Variants in TRPM3 observed in about 807,000 individuals in gnomAD.
TRPM3 encodes the protein long transient receptor potential channel 3.
Under a neutral mutation model 181.2 loss-of-function variants are expected in TRPM3, and 77 were observed. The ratio of observed to expected loss-of-function variants is 0.42; its 90% confidence interval spans 0.35 to 0.51. TRPM3 has a LOEUF of 0.51. Among genes scored for constraint, TRPM3 ranks in the 20% least tolerant of loss-of-function variants. The pLI, the probability that TRPM3 is intolerant of heterozygous loss-of-function variation, is 0.01. For missense variants in TRPM3, 1,759 were observed against 2,196.7 expected, an observed-to-expected ratio of 0.80 and a Z score of 3.98; for synonymous variants, 745 against 796.4, an observed-to-expected ratio of 0.94 and a Z score of 1.09.
At chr9:70,983,052 C>T (rs186128547) in intron 1 of TRPM3, among the ~76,000 whole-genome samples, 297 of 152,226 alleles carry the variant, frequency 2.0e-3, no homozygotes, top group African/African-American at 6.4e-3. Flanking sequence ...TACTCAACCC[C>T]GTGAGTCTGT....
intron 9 of TRPM3, among the ~76,000 whole-genome samples, chr9:70,680,373 A>G (rs1228422691): frequency 1.3e-5 from 2 of 152,222 alleles, no homozygotes; most frequent in African/African-American, 2.4e-5. Context: ...AGAGAATATT[A>G]ATAGTAGAAG....
At chr9:70,950,999 A>G (rs2096992181) in intron 1 of TRPM3, among the ~76,000 whole-genome samples, 2 of 152,226 alleles carry the variant, frequency 1.3e-5, no homozygotes, top group Non-Finnish European at 2.9e-5. Flanking sequence ...TAATAAAGAT[A>G]AACATTTTGA....
chr9:71,034,866 T>C (rs943025478), intron 1 of TRPM3, among the ~76,000 whole-genome samples: 1 of 152,110 alleles, frequency 6.6e-6, no homozygotes, highest in Non-Finnish European at 1.5e-5. Context: ...TATATGTATA[T>C]ATGTATACAT....
At chr9:71,274,771 G>A (rs1445835465) in intron 1 of TRPM3, among the ~76,000 whole-genome samples, 1 of 152,084 alleles carries the variant, frequency 6.6e-6, no homozygotes, top group Non-Finnish European at 1.5e-5. Context: ...TCTCCATAAA[G>A]GAAATTAATT....
chr9:71,002,615 C>G (rs2097620055), intron 1 of TRPM3, among the ~76,000 whole-genome samples: 1 of 152,118 alleles, frequency 6.6e-6, no homozygotes, highest in South Asian at 2.1e-4. Context: ...CCCTATCATA[C>G]CTATAGTATC....
chr9:71,019,223 C>A (rs370568964), intron 1 of TRPM3, among the ~76,000 whole-genome samples: 126 of 151,920 alleles, frequency 8.3e-4, no homozygotes, highest in African/African-American at 2.8e-3. Context: ...TGCTTGTTAT[C>A]ACCACTTTTG....
At position 71,121,457 on chromosome 9, in the gene TRPM3, A is replaced by G. The variant is rs979647212; in HGVS notation, c.-103T>C. On this transcript the variant is annotated 5_prime_UTR_variant, in exon 1 of 26. Transcript: ENST00000677713. ...TGCCTGAGCCCCTGAACCTTCTTAA[A>G]ACAGCCACCTCCCCTCTCTCTGCAG... 1.4e-5 allele frequency: 21 copies of G among 1,466,586 alleles called. No individual in the cohort carries two copies. The highest frequency in any genetic ancestry group is 1.9e-5 in the Non-Finnish European group (21 of 1,113,234). The allele number at this position is 1,466,586 out of a possible 1,614,324, so 90.8% of individuals were successfully genotyped here.
chr9:71,371,041 A>C (rs2132798344), intron 1 of TRPM3, among the ~76,000 whole-genome samples: 1 of 150,686 alleles, frequency 6.6e-6, no homozygotes, highest in East Asian at 2.0e-4. Context: ...AATATTTTAA[A>C]CCCACTGAGA....
In TRPM3 at chr9:70,784,134, G is replaced by A; in HGVS notation, c.1119C>T (p.Ala373=). The change falls in exon 7 of 26, where the codon GCC becomes GCT. Residue 373 remains alanine (A), a synonymous_variant. Coordinates refer to ENST00000677713, the MANE Select transcript of TRPM3 (RefSeq NM_001366145.2). Reference sequence around the variant, plus strand: ...CTTCTTCTGAGTATTTATGCCCAAAGGCCAGGATGTCCGATGCCCGTCCAC... The same window carrying A: ...CTTCTTCTGAGTATTTATGCCCAAAAGCCAGGATGTCCGATGCCCGTCCAC... ...DGSGRASDIL[A]FGHKYSEEGG... 1 of 1,613,604 alleles carries A rather than the reference G, an allele frequency of 6.2e-7. No individual in the cohort carries two copies.
At chr9:70,855,917 A>G (rs1391743525) in intron 3 of TRPM3, among the ~76,000 whole-genome samples, 1 of 152,208 alleles carries the variant, frequency 6.6e-6, no homozygotes, top group Non-Finnish European at 1.5e-5. Flanking sequence ...ATTAACTGTC[A>G]TCAAATCCCT....
At position 70,625,623 on chromosome 9, in the gene TRPM3, G is replaced by T; in HGVS notation, c.1633-106C>A. 4 of 1,158,462 alleles carry T rather than the reference G, an allele frequency of 3.5e-6. No homozygotes were observed. The highest frequency in any genetic ancestry group is 5.0e-6 in the Non-Finnish European group (4 of 797,694). 71.8% of individuals were successfully genotyped at this position (1,158,462 alleles called of 1,614,324 possible). Reference sequence around the variant, plus strand: ...TTCAGCTGGGGAGAAAAAAACACCAGTGTAGAAGAAAGAAACACAAGGCTA... The same window carrying T: ...TTCAGCTGGGGAGAAAAAAACACCATTGTAGAAGAAAGAAACACAAGGCTA... On this transcript the variant is annotated intron_variant, in intron 12 of 25. Coordinates refer to ENST00000677713, the MANE Select transcript of TRPM3 (RefSeq NM_001366145.2). The surrounding 1 kb of genome is among the most constrained non-coding windows in gnomAD (Gnocchi z 4.8).
At chr9:70,915,587 G>C (rs942724077) in intron 1 of TRPM3, among the ~76,000 whole-genome samples, 2 of 151,702 alleles carry the variant, frequency 1.3e-5, no homozygotes, top group Non-Finnish European at 2.9e-5. Context: ...TTACAGGCAT[G>C]AGCCACCACG....
chr9:70,789,931 GA>G (rs1172610690), intron 6 of TRPM3, among the ~76,000 whole-genome samples: 1 of 152,186 alleles, frequency 6.6e-6, no homozygotes, highest in Non-Finnish European at 1.5e-5. Flanking sequence ...AAAAGACTGG[GA>G]GAGGCATTGT....
chr9:71,320,627 CTCT>C (rs2089131372), intron 1 of TRPM3, among the ~76,000 whole-genome samples: 1 of 152,098 alleles, frequency 6.6e-6, no homozygotes, highest in Non-Finnish European at 1.5e-5. Context: ...ACTGAAGTTC[CTCT>C]CTGCTCAACA....
At chr9:71,281,730 G>A (rs879530967) in intron 1 of TRPM3, among the ~76,000 whole-genome samples, 13 of 152,164 alleles carry the variant, frequency 8.5e-5, no homozygotes, top group Admixed American at 2.0e-4. Context: ...ACATTTGAGT[G>A]TACATTAACA....
intron 22 of TRPM3, among the ~76,000 whole-genome samples, chr9:70,580,428 C>T (rs2055329104): frequency 6.6e-6 from 1 of 152,122 alleles, no homozygotes; most frequent in Admixed American, 6.6e-5. Context: ...CCCAACCCAT[C>T]CCCAACCCCC....
intron 9 of TRPM3, among the ~76,000 whole-genome samples, chr9:70,646,039 G>A (rs536386683): frequency 1.2e-4 from 18 of 152,254 alleles, no homozygotes; most frequent in East Asian, 3.9e-4. Flanking sequence ...AACAACTCAC[G>A]CCAGTTAGAA....
intron 1 of TRPM3, among the ~76,000 whole-genome samples, chr9:71,045,159 C>T (rs893326313): frequency 1.3e-5 from 2 of 151,682 alleles, no homozygotes; most frequent in Non-Finnish European, 2.9e-5. Flanking sequence ...TGCAGTGGTG[C>T]GATCTCAGCT....
intron 1 of TRPM3, among the ~76,000 whole-genome samples, chr9:71,226,698 T>C (rs2080685009): frequency 6.6e-6 from 1 of 152,060 alleles, no homozygotes; most frequent in Non-Finnish European, 1.5e-5. Flanking sequence ...ATACACATTA[T>C]ATATATGCAT....
Sources: gnomAD v4.1 joint callset for allele counts (sites outside exome capture counted in the v4.1 genomes callset) on GRCh38, gnomAD v4.1.1 for gene constraint, Gnocchi (gnomAD v3.1) non-coding constraint, MANE v1.5 for transcripts, NCBI Gene and HGNC (gene_info 2026-07-23, HGNC 2026-07-21) for gene names.